The following JAZF1 variants were observed in gnomAD, a reference collection of about 807,000 sequenced individuals.
JAZF1 encodes the protein juxtaposed with another zinc finger protein 1.
JAZF1 carries 8 observed loss-of-function variants against 26.4 expected under a neutral mutation model. The observed-to-expected ratio is 0.30, with a 90% CI of 0.18 to 0.55. The LOEUF (loss-of-function observed/expected upper bound fraction) is 0.55, where lower values mean the gene tolerates loss of function less well. Ranked by LOEUF, JAZF1 falls within the 20% of genes least tolerant of loss-of-function variation. JAZF1 has a pLI of 0.94. For missense variants in JAZF1, 199 were observed against 322.0 expected (o/e 0.62, Z 2.92); for synonymous variants, 126 against 122.3 (o/e 1.03, Z -0.20).
chr7:27,957,573 A>C (rs1785119828), intron 2 of JAZF1, among the ~76,000 whole-genome samples: 1 of 152,186 alleles, frequency 6.6e-6, no homozygotes, highest in South Asian at 2.1e-4. Context: ...ACCCTGGACT[A>C]CTGTATTTTC....
At chr7:27,929,737 G>A (rs1784655859) in intron 2 of JAZF1, among the ~76,000 whole-genome samples, 2 of 152,150 alleles carry the variant, frequency 1.3e-5, no homozygotes, top group Non-Finnish European at 2.9e-5. Context: ...GTTGCAAAGC[G>A]CAGAGTGAAG....
chr7:28,079,148 C>A (rs1784097982), intron 1 of JAZF1, among the ~76,000 whole-genome samples: 1 of 152,098 alleles, frequency 6.6e-6, no homozygotes, highest in African/African-American at 2.4e-5. Context: ...CACCACCATG[C>A]CAGGCTAATT....
chr7:28,075,541 C>A (rs1784037496), intron 1 of JAZF1, among the ~76,000 whole-genome samples: 1 of 152,198 alleles, frequency 6.6e-6, no homozygotes, highest in South Asian at 2.1e-4. Context: ...CAAACCTTCT[C>A]TGTCTACCTA....
rs149902969 is a variant in JAZF1 at position 28,126,174 on chromosome 7, AAC to A, written c.115+54287_115+54288del. Among the ~76,000 whole-genome samples the A allele has an allele frequency of 3.7e-3, 559 of 152,200 alleles. 1 individual carries two copies. The highest frequency in any genetic ancestry group is 0.01 in the Middle Eastern group (3 of 294). On this transcript the variant is annotated intron_variant, in intron 1 of 4. Coordinates refer to ENST00000283928, the MANE Select transcript of JAZF1 (RefSeq NM_175061.4). Reference sequence around the variant, plus strand: ...CATCATCCCCCAAAGCTACCCTAGTAACACACTACTCCAGACAAAAGCAATGT... The same window carrying A: ...CATCATCCCCCAAAGCTACCCTAGTAACACTACTCCAGACAAAAGCAATGT...
intron 1 of JAZF1, chr7:28,020,904 G>A (rs1461341508): frequency 9.3e-6 from 3 of 322,722 alleles, no homozygotes; most frequent in African/African-American, 6.5e-5. Flanking sequence ...GAAGTCTAAG[G>A]GAGGAAGTCA....
intron 2 of JAZF1, among the ~76,000 whole-genome samples, chr7:27,912,335 G>A (rs1450832779): frequency 6.6e-6 from 1 of 152,118 alleles, no homozygotes; most frequent in African/African-American, 2.4e-5. Flanking sequence ...AGAAAAAGTC[G>A]ACTCCTTTTC....
At chr7:27,948,454 T>G (rs1728816506) in intron 2 of JAZF1, among the ~76,000 whole-genome samples, 1 of 152,180 alleles carries the variant, frequency 6.6e-6, no homozygotes, top group African/African-American at 2.4e-5. Context: ...CATTATTTTT[T>G]TTCTGCATCC....
chr7:28,062,332 G>A (rs753802366), intron 1 of JAZF1, among the ~76,000 whole-genome samples: 3 of 152,106 alleles, frequency 2.0e-5, no homozygotes, highest in Non-Finnish European at 2.9e-5. Flanking sequence ...GCGCCGCAGG[G>A]ACACTGTAAT....
intron 1 of JAZF1, among the ~76,000 whole-genome samples, chr7:28,013,373 G>A (rs1782831022): frequency 6.6e-6 from 1 of 152,122 alleles, no homozygotes; most frequent in Admixed American, 6.5e-5. Context: ...GACAGTGGGA[G>A]GAAAAAATAG....
chr7:27,963,062 T>C (rs1785211236), intron 2 of JAZF1, among the ~76,000 whole-genome samples: 1 of 152,236 alleles, frequency 6.6e-6, no homozygotes, highest in Non-Finnish European at 1.5e-5. Context: ...TTAGGGAATC[T>C]GAATTCCAAA....
chr7:28,013,560 G>A lies in JAZF1; in HGVS notation c.116-21579C>T, dbSNP rs555022361. ...CATTTTTTACAAGCTCCCAGGTGAC[G>A]ATGATGCTGCTGACTGATCTCAGAA... On this transcript the variant is annotated intron_variant, in intron 1 of 4. Transcript: ENST00000283928. Among the ~76,000 whole-genome samples, 192 of 152,192 alleles carry A rather than the reference G, an allele frequency of 1.3e-3. 1 individual carries two copies. The highest frequency in any genetic ancestry group is 2.3e-3 in the Non-Finnish European group (154 of 68,010).
At chr7:27,867,854 G>A (rs1188120869) in intron 3 of JAZF1, among the ~76,000 whole-genome samples, 1 of 152,152 alleles carries the variant, frequency 6.6e-6, no homozygotes, top group Non-Finnish European at 1.5e-5. Flanking sequence ...CTTAGACATG[G>A]GCATTGTGGC....
intron 1 of JAZF1, among the ~76,000 whole-genome samples, chr7:28,049,619 G>C (rs911231489): frequency 1.3e-5 from 2 of 152,166 alleles, no homozygotes; most frequent in African/African-American, 2.4e-5. Flanking sequence ...AGCCCAGGTA[G>C]CTGCTTATGC....
At chr7:27,927,029 C>A (rs984747151) in intron 2 of JAZF1, among the ~76,000 whole-genome samples, 3 of 152,194 alleles carry the variant, frequency 2.0e-5, no homozygotes, top group Non-Finnish European at 4.4e-5. Flanking sequence ...TCCTCCCTTC[C>A]ATCTTCATGG....
Position 27,833,916 on chromosome 7 carries a change from C to T in JAZF1, c.556-940G>A, listed in dbSNP as rs189122660. ...AACTGGTGGAAGATCTAAGAAGGGA[C>T]GGCGGACGTGTGGTATTTGAGATAG... On this transcript the variant is annotated intron_variant, in intron 4 of 4. Transcript: ENST00000283928. 4.6e-5 allele frequency among the ~76,000 whole-genome samples: 7 copies of T among 152,226 alleles called. No homozygotes were observed. In the East Asian group the frequency reaches 5.8e-4, roughly 13 times the overall value.
intron 1 of JAZF1, among the ~76,000 whole-genome samples, chr7:28,133,892 T>G (rs528498230): frequency 3.9e-5 from 6 of 152,350 alleles, no homozygotes; most frequent in Non-Finnish European, 8.8e-5. Flanking sequence ...TAACCAATGT[T>G]GTCCCACTGC....
chr7:28,111,031 G>T (rs1283559121), intron 1 of JAZF1, among the ~76,000 whole-genome samples: 1 of 152,158 alleles, frequency 6.6e-6, no homozygotes, highest in Non-Finnish European at 1.5e-5. Flanking sequence ...CTGATTTTCT[G>T]GCTTTGAGTT....
chr7:28,097,953 G>A (rs756355681), intron 1 of JAZF1, among the ~76,000 whole-genome samples: 1 of 152,282 alleles, frequency 6.6e-6, no homozygotes, highest in Non-Finnish European at 1.5e-5. Context: ...ATTCCATAAC[G>A]TAGTTATTAT....
intron 2 of JAZF1, among the ~76,000 whole-genome samples, chr7:27,909,046 G>A (rs1355484137): frequency 6.6e-6 from 1 of 151,658 alleles, no homozygotes; most frequent in South Asian, 2.1e-4. Flanking sequence ...ATCTCGCTGT[G>A]CTGTCCAGAA....
Sources: allele counts gnomAD v4.1 joint callset (sites outside exome capture counted in the v4.1 genomes callset), GRCh38; gene constraint gnomAD v4.1.1; transcripts MANE v1.5; gene names NCBI Gene and HGNC (gene_info 2026-07-23, HGNC 2026-07-21).